Variants in AP3S1 observed in about 807,000 individuals in gnomAD.
AP3S1 encodes AP-3 complex subunit sigma-1.
A neutral mutation model predicts 21.3 loss-of-function variants in AP3S1; 12 were observed. The ratio of observed to expected loss-of-function variants is 0.56; its 90% CI spans 0.36 to 0.91. The LOEUF (loss-of-function observed/expected upper bound fraction) is 0.91. Among genes scored for constraint, AP3S1 ranks in the 40% least tolerant of loss-of-function variants. AP3S1 has a pLI of 0.01. For missense variants in AP3S1, 116 were observed against 225.0 expected, an observed-to-expected ratio of 0.52 and a Z score of 3.10; for synonymous variants, 48 against 78.4, an observed-to-expected ratio of 0.61 and a Z score of 2.05.
chr5:115,876,741 T>C (rs527708303), intron 3 of AP3S1, among the ~76,000 whole-genome samples: 5 of 152,234 alleles, frequency 3.3e-5, no homozygotes, highest in Non-Finnish European at 7.3e-5. Flanking sequence ...CTGATCCTTT[T>C]GATGAGTACT....
intron 5 of AP3S1, among the ~76,000 whole-genome samples, chr5:115,911,882 A>G (rs983487751): frequency 6.6e-6 from 1 of 151,958 alleles, no homozygotes; most frequent in African/African-American, 2.4e-5. Context: ...AAAATAACTA[A>G]CATCCATTAA....
chr5:115,856,720 G>A (rs934321746), intron 1 of AP3S1, among the ~76,000 whole-genome samples: 4 of 152,052 alleles, frequency 2.6e-5, no homozygotes, highest in East Asian at 1.9e-4. Context: ...GCAATCCTCC[G>A]GCCTCGGCCT....
intron 5 of AP3S1, among the ~76,000 whole-genome samples, chr5:115,909,809 C>T (rs1751952234): frequency 6.6e-6 from 1 of 152,012 alleles, no homozygotes; most frequent in Non-Finnish European, 1.5e-5. Flanking sequence ...TTCCAAAACC[C>T]CCAGTGGATG....
chr5:115,878,626 A>G (rs749672315), intron 3 of AP3S1, among the ~76,000 whole-genome samples: 16 of 152,166 alleles, frequency 1.1e-4, no homozygotes, highest in Admixed American at 2.6e-4. Flanking sequence ...GAAGTCAGGT[A>G]TTGTGATGCC....
intron 4 of AP3S1, among the ~76,000 whole-genome samples, chr5:115,900,778 C>G (rs1751143046): frequency 6.6e-6 from 1 of 152,138 alleles, no homozygotes; most frequent in Non-Finnish European, 1.5e-5. Flanking sequence ...ACTCCTGGTT[C>G]TTAGTGAACT....
chr5:115,897,851 C>T (rs1750888131), intron 4 of AP3S1, among the ~76,000 whole-genome samples: 1 of 152,034 alleles, frequency 6.6e-6, no homozygotes, highest in African/African-American at 2.4e-5. Flanking sequence ...TGTGAGCCAC[C>T]ACGCCCGGCC....
At chr5:115,874,794 T>C (rs1748559307) in intron 3 of AP3S1, among the ~76,000 whole-genome samples, 1 of 152,060 alleles carries the variant, frequency 6.6e-6, no homozygotes, top group South Asian at 2.1e-4. Flanking sequence ...ACATGCTTGT[T>C]TCAACATGTT....
At chr5:115,880,143 C>CA (rs1421037677) in intron 3 of AP3S1, among the ~76,000 whole-genome samples, 1 of 152,048 alleles carries the variant, frequency 6.6e-6, no homozygotes, top group Non-Finnish European at 1.5e-5. Context: ...TTAGTCTTTT[C>CA]AAAAAACCAG....
chr5:115,884,520 A>T (rs186690928), intron 3 of AP3S1, among the ~76,000 whole-genome samples: 1 of 152,206 alleles, frequency 6.6e-6, no homozygotes, highest in Admixed American at 6.5e-5. Context: ...GGTTGCTGTG[A>T]GTTGAAATCA....
intron 5 of AP3S1, among the ~76,000 whole-genome samples, chr5:115,907,530 A>G (rs1235310328): frequency 1.3e-5 from 2 of 152,154 alleles, no homozygotes; most frequent in Admixed American, 6.5e-5. Context: ...ACTTGACTGT[A>G]TTTCAAACTA....
intron 3 of AP3S1, among the ~76,000 whole-genome samples, chr5:115,879,078 C>G (rs1749033699): frequency 6.6e-6 from 1 of 152,176 alleles, no homozygotes; most frequent in East Asian, 1.9e-4. Context: ...AGTTACTTAT[C>G]AGCTTCAGGA....
intron 1 of AP3S1, among the ~76,000 whole-genome samples, chr5:115,861,895 C>G (rs1561483429): frequency 8.7e-6 from 1 of 115,338 alleles, no homozygotes; most frequent in Non-Finnish European, 1.7e-5. Context: ...GAGATGGGGT[C>G]TCGCTATGTT....
chr5:115,848,957 A>G (rs779049934), intron 1 of AP3S1, among the ~76,000 whole-genome samples: 10 of 152,338 alleles, frequency 6.6e-5, no homozygotes, highest in Non-Finnish European at 1.3e-4. Context: ...TTCCAAGTGG[A>G]GGAAGCCCTT....
At chr5:115,860,703 C>T (rs960139121) in intron 1 of AP3S1, among the ~76,000 whole-genome samples, 2 of 152,146 alleles carry the variant, frequency 1.3e-5, no homozygotes, top group African/African-American at 4.8e-5. Context: ...TAAACACTTT[C>T]AAGATTTTGT....
At chr5:115,854,971 TC>T (rs1278089218) in intron 1 of AP3S1, among the ~76,000 whole-genome samples, 6 of 152,028 alleles carry the variant, frequency 3.9e-5, no homozygotes, top group Admixed American at 2.0e-4. Flanking sequence ...AAAGTTATTT[TC>T]TATATATGTA....
chr5:115,846,824 C>G (rs577927900), intron 1 of AP3S1, among the ~76,000 whole-genome samples: 9 of 152,084 alleles, frequency 5.9e-5, no homozygotes, highest in Non-Finnish European at 7.4e-5. Flanking sequence ...AAATTCCATA[C>G]GATTTGGTTT....
intron 2 of AP3S1, among the ~76,000 whole-genome samples, chr5:115,868,489 TC>T (rs1012155519): frequency 4.8e-4 from 73 of 151,946 alleles, no homozygotes; most frequent in African/African-American, 1.7e-3. Context: ...TTGTCAAAGA[TC>T]ATTTCTCCTT....
chr5:115,860,380 T>G (rs1271141153), intron 1 of AP3S1, among the ~76,000 whole-genome samples: 3 of 152,220 alleles, frequency 2.0e-5, no homozygotes, highest in Non-Finnish European at 4.4e-5. Flanking sequence ...GATGTTGTCA[T>G]TTTTTGGTGG....
chr5:115,912,599 AT>A (rs1752192562), intron 5 of AP3S1, among the ~76,000 whole-genome samples: 1 of 152,038 alleles, frequency 6.6e-6, no homozygotes, highest in Non-Finnish European at 1.5e-5. Context: ...TACCTCTTGC[AT>A]TTATGCTTTT....
Sources: allele counts gnomAD v4.1 joint callset (sites outside exome capture counted in the v4.1 genomes callset), GRCh38; gene constraint gnomAD v4.1.1; transcripts MANE v1.5; gene names NCBI Gene and HGNC (gene_info 2026-07-23, HGNC 2026-07-21).